Variants in CNIH4 observed in about 807,000 individuals in gnomAD.
CNIH4 encodes the protein cornichon family member 4, also known as protein cornichon homolog 4.
In CNIH4, 9 loss-of-function variants were observed where a neutral mutation model predicts 21.5. The observed-to-expected ratio is 0.42, with a 90% CI of 0.25 to 0.73. The LOEUF (loss-of-function observed/expected upper bound fraction) is 0.73, where lower values mean the gene tolerates loss of function less well. Among genes scored for constraint, CNIH4 ranks in the 30% least tolerant of loss-of-function variants. The pLI is 0.27. For missense variants in CNIH4, 159 were observed against 170.0 expected, an observed-to-expected ratio of 0.94 and a Z score of 0.36; for synonymous variants, 67 against 59.1, an observed-to-expected ratio of 1.13 and a Z score of -0.61.
chr1:224,378,931 C>T lies in CNIH4; in HGVS notation c.*3109C>T, dbSNP rs913649587. On this transcript the variant is annotated 3_prime_UTR_variant, in exon 5 of 5. Coordinates refer to ENST00000465271, the MANE Select transcript of CNIH4 (RefSeq NM_014184.4). ...ATGCTGAGGCTTAGTCCAGTGTTCT[C>T]TCTCCCTTACCACTCCTCTTCCCCT... 1.3e-6 allele frequency: 1 copy of T among 796,774 alleles called. No individual in the cohort carries two copies. The highest frequency in any genetic ancestry group is 2.1e-6 in the Non-Finnish European group (1 of 470,306). The allele number at this position is 796,774 out of a possible 1,614,324, so 49.4% of individuals were successfully genotyped here. A position where few individuals can be genotyped will look rare whatever the true frequency, so the allele number is the denominator to read the frequency against.
chr1:224,359,391 T>C (rs2102848146), intron 1 of CNIH4, among the ~76,000 whole-genome samples: 1 of 152,024 alleles, frequency 6.6e-6, no homozygotes, highest in Admixed American at 6.6e-5. Context: ...AATATGTGAG[T>C]AGTATTTAGA....
At chr1:224,362,601 C>A (rs140315644) in intron 2 of CNIH4, among the ~76,000 whole-genome samples, 1 of 150,440 alleles carries the variant, frequency 6.6e-6, no homozygotes, top group African/African-American at 2.5e-5. Flanking sequence ...GCCATTCTCC[C>A]GCTTCAGCCT....
At chr1:224,373,003 T>C (rs1163368870) in intron 4 of CNIH4, among the ~76,000 whole-genome samples, 1 of 152,080 alleles carries the variant, frequency 6.6e-6, no homozygotes, top group Non-Finnish European at 1.5e-5. Context: ...CACCCATTAG[T>C]GGATTAGATT....
At chr1:224,362,879 TC>T (rs918556565) in intron 2 of CNIH4, among the ~76,000 whole-genome samples, 1 of 152,142 alleles carries the variant, frequency 6.6e-6, no homozygotes, top group African/African-American at 2.4e-5. Context: ...TGATGTTTCT[TC>T]CCCATCTTTT....
At chr1:224,363,400 G>A (rs575858076) in intron 2 of CNIH4, among the ~76,000 whole-genome samples, 37 of 152,264 alleles carry the variant, frequency 2.4e-4, no homozygotes, top group Non-Finnish European at 4.7e-4. Flanking sequence ...ATTTTTAAGA[G>A]GTTTTTATTC....
intron 1 of CNIH4, among the ~76,000 whole-genome samples, chr1:224,358,012 A>T (rs1480216257): frequency 6.6e-6 from 1 of 152,064 alleles, no homozygotes; most frequent in Non-Finnish European, 1.5e-5. Flanking sequence ...ATCGGATTAA[A>T]CCATTTGTTT....
chr1:224,361,741 C>T (rs1672294287), intron 2 of CNIH4, among the ~76,000 whole-genome samples: 1 of 151,848 alleles, frequency 6.6e-6, no homozygotes, highest in Non-Finnish European at 1.5e-5. Context: ...TGCCACCATA[C>T]CTGGCTGATT....
In CNIH4 at chr1:224,368,128, C is replaced by T. The variant is rs549476688; in HGVS notation, c.251+2137C>T. On this transcript the variant is annotated intron_variant, in intron 3 of 4. Coordinates refer to ENST00000465271, the MANE Select transcript of CNIH4 (RefSeq NM_014184.4). ...GGTGGATTACCTGAGGTCAGGAGTT[C>T]GAGACCAGCCCTGGCTAACGTGGAG... Among the ~76,000 whole-genome samples the T allele has an allele frequency of 3.3e-5, 5 of 152,234 alleles. No individual in the cohort carries two copies. The East Asian group carries it at 7.7e-4, about 23-fold the overall frequency.
intron 2 of CNIH4, 141 bp from the exon 3 acceptor site, chr1:224,365,738 A>G: frequency 1.5e-6 from 1 of 656,564 alleles, no homozygotes; most frequent in Non-Finnish European, 2.8e-6. Flanking sequence ...CAGTATGCAA[A>G]TCTGGGACAT....
At chr1:224,375,494 TTG>T (rs1382250702) in intron 4 of CNIH4, among the ~76,000 whole-genome samples, 5 of 152,150 alleles carry the variant, frequency 3.3e-5, no homozygotes, top group Non-Finnish European at 7.4e-5. Flanking sequence ...TTGTTTTGTT[TTG>T]TTTTTTTTTA....
At chr1:224,370,558 C>G (rs1261904353) in intron 3 of CNIH4, among the ~76,000 whole-genome samples, 1 of 152,176 alleles carries the variant, frequency 6.6e-6, no homozygotes, top group Non-Finnish European at 1.5e-5. Flanking sequence ...TCAAAGTAAC[C>G]TAACTTCCTT....
intron 2 of CNIH4, among the ~76,000 whole-genome samples, chr1:224,363,399 A>G (rs1330426064): frequency 6.6e-6 from 1 of 152,172 alleles, no homozygotes; most frequent in Non-Finnish European, 1.5e-5. Flanking sequence ...GATTTTTAAG[A>G]GGTTTTTATT....
At chr1:224,371,075 C>T (rs553402846) in intron 3 of CNIH4, among the ~76,000 whole-genome samples, 73 of 152,186 alleles carry the variant, frequency 4.8e-4, no homozygotes, top group Admixed American at 2.8e-3. Context: ...CAGGGTTTCA[C>T]CATGTTGGTC....
At chr1:224,357,846 A>G (rs1672162131) in intron 1 of CNIH4, among the ~76,000 whole-genome samples, 1 of 152,256 alleles carries the variant, frequency 6.6e-6, no homozygotes, top group South Asian at 2.1e-4. Context: ...CATGTCGGCT[A>G]CAACTCTTCC....
rs367704082 is a variant in CNIH4 at position 224,356,942 on chromosome 1, C to T, written c.18C>T (p.Phe6=). 1.4e-4 allele frequency: 219 copies of T among 1,611,340 alleles called. No homozygotes were observed. The African/African-American group carries it at 2.7e-3, about 20-fold the overall frequency. MEAVV[F]VFSLLDCCAL... ...GGAGGAGGATGGAGGCGGTGGTGTT[C>T]GTCTTCTCTCTCCTCGATTGTTGCG... Residue 6 remains phenylalanine (F), a synonymous_variant, in exon 1 of 5, where the codon TTC becomes TTT. Coordinates refer to ENST00000465271, the MANE Select transcript of CNIH4 (RefSeq NM_014184.4).
At chr1:224,370,915 C>T (rs1252895520) in intron 3 of CNIH4, among the ~76,000 whole-genome samples, 3 of 142,572 alleles carry the variant, frequency 2.1e-5, no homozygotes, top group African/African-American at 5.2e-5. Context: ...TCTGCTCTGT[C>T]ACCCAGGCTG....
In CNIH4 at chr1:224,376,037, C is replaced by A; in HGVS notation, c.*215C>A. On this transcript the variant is annotated 3_prime_UTR_variant, in exon 5 of 5. Coordinates refer to ENST00000465271, the MANE Select transcript of CNIH4 (RefSeq NM_014184.4). Reference sequence around the variant, plus strand: ...CTAGTTCTCAACTTTAGCCTGAACGCCAACACTTGAAGGTGTTTTTCATCC... The same window carrying A: ...CTAGTTCTCAACTTTAGCCTGAACGACAACACTTGAAGGTGTTTTTCATCC... 8.0e-7 allele frequency: 1 copy of A among 1,253,556 alleles called. No individual in the cohort carries two copies. The allele number at this position is 1,253,556 out of a possible 1,614,324, so 77.7% of individuals were successfully genotyped here.
At chr1:224,360,869 C>T (rs972167607) in intron 2 of CNIH4, among the ~76,000 whole-genome samples, 1 of 152,136 alleles carries the variant, frequency 6.6e-6, no homozygotes, top group Non-Finnish European at 1.5e-5. Flanking sequence ...TTGGAACTCC[C>T]TCCTCCCACT....
chr1:224,368,369 T>C (rs1672526186), intron 3 of CNIH4, among the ~76,000 whole-genome samples: 1 of 152,282 alleles, frequency 6.6e-6, no homozygotes, highest in East Asian at 1.9e-4. Context: ...CTTTTTTAAA[T>C]ATAATTATAA....
Sources: allele counts gnomAD v4.1 joint callset (sites outside exome capture counted in the v4.1 genomes callset), GRCh38; gene constraint gnomAD v4.1.1; transcripts MANE v1.5; gene names NCBI Gene and HGNC (gene_info 2026-07-23, HGNC 2026-07-21).